The following NEMP2 variants were observed in gnomAD, a reference collection of about 807,000 sequenced individuals.
NEMP2 encodes the protein nuclear envelope integral membrane protein 2.
A neutral mutation model predicts 54.2 loss-of-function variants in NEMP2; 53 were observed. That is an observed-to-expected ratio of 0.98 (90% CI 0.78 to 1.23). The LOEUF is 1.23. Ranked by LOEUF, NEMP2 falls within the 50% of genes most tolerant of loss-of-function variation. The pLI is 0.00. For missense variants in NEMP2, 455 were observed against 511.3 expected, an observed-to-expected ratio of 0.89 and a Z score of 1.06; for synonymous variants, 197 against 190.3, an observed-to-expected ratio of 1.04 and a Z score of -0.29.
At chr2:190,564,727 G>A in the NEMP2 span, among the ~76,000 whole-genome samples, 1 of 152,182 alleles carries the variant, frequency 6.6e-6, no homozygotes, top group African/African-American at 2.4e-5. This position sits in a 1 kb window ranked among gnomAD's most constrained non-coding sequence, Gnocchi z 4.2. Context: ...ACTGCCACAT[G>A]GTGATAGAAC....
chr2:190,631,637 G>A, the NEMP2 span, among the ~76,000 whole-genome samples: 2 of 152,194 alleles, frequency 1.3e-5, no homozygotes, highest in East Asian at 1.9e-4. Flanking sequence ...GATCAATACT[G>A]TATAACCTAA....
the NEMP2 span, among the ~76,000 whole-genome samples, chr2:190,647,623 C>T: frequency 0.017 from 2,637 of 151,634 alleles, 27 homozygotes; most frequent in South Asian, 0.044. Context: ...AATTTTTCCA[C>T]TTTTTGCAAA....
the NEMP2 span, among the ~76,000 whole-genome samples, chr2:190,554,805 C>T: frequency 6.6e-6 from 1 of 152,194 alleles, no homozygotes; most frequent in African/African-American, 2.4e-5. The surrounding 1 kb of genome is among the most constrained non-coding windows in gnomAD (Gnocchi z 5.7). Flanking sequence ...GTTCAGGCTC[C>T]GATAAGGGAC....
In NEMP2 at chr2:190,513,490, T is replaced by G. The variant is rs1489651285; in HGVS notation, c.953+963A>C. On this transcript the variant is annotated intron_variant, in intron 7 of 8. Coordinates refer to ENST00000409150, the MANE Select transcript of NEMP2 (RefSeq NM_001142645.2). The surrounding 1 kb of genome is among the most constrained non-coding windows in gnomAD (Gnocchi z 5.3). ...CTGCCTGGGTCCTAAGCAACTGGTT[T>G]GATAACTGCTGTAGAGGCAGCAGTC... 6.6e-6 allele frequency among the ~76,000 whole-genome samples: 1 copy of G among 152,208 alleles called. No homozygotes were observed. Among genetic ancestry groups the G allele is most frequent in the Non-Finnish European group, 1.5e-5 (1 of 68,048 alleles).
chr2:190,545,281 CAA>C, the NEMP2 span, among the ~76,000 whole-genome samples: 1 of 152,162 alleles, frequency 6.6e-6, no homozygotes, highest in Non-Finnish European at 1.5e-5. Flanking sequence ...GAGCCTCTGC[CAA>C]AGTTTTCTTT....
the NEMP2 span, among the ~76,000 whole-genome samples, chr2:190,563,159 A>C: frequency 6.6e-6 from 1 of 152,170 alleles, no homozygotes; most frequent in African/African-American, 2.4e-5. The surrounding 1 kb of genome is among the most constrained non-coding windows in gnomAD (Gnocchi z 4.3). Flanking sequence ...TGTTTCCTTG[A>C]GACATTCACA....
chr2:190,473,074 C>A, the NEMP2 span, among the ~76,000 whole-genome samples: 8 of 152,166 alleles, frequency 5.3e-5, no homozygotes, highest in Admixed American at 5.2e-4. Context: ...CCTAAAAGAG[C>A]TCCTGAAGGA....
the NEMP2 span, among the ~76,000 whole-genome samples, chr2:190,448,742 G>A: frequency 6.6e-6 from 1 of 152,164 alleles, no homozygotes; most frequent in Non-Finnish European, 1.5e-5. Context: ...GGACTTGGAT[G>A]GGGAACAAAG....
the NEMP2 span, among the ~76,000 whole-genome samples, chr2:190,611,752 C>T: frequency 6.6e-6 from 1 of 152,154 alleles, no homozygotes; most frequent in African/African-American, 2.4e-5. The surrounding 1 kb of genome is among the most constrained non-coding windows in gnomAD (Gnocchi z 5.4). Flanking sequence ...TTTTGCTTTC[C>T]TTACACACCT....
In NEMP2 at chr2:190,523,499, C is replaced by T. The variant is rs757582400; in HGVS notation, c.213+1764G>A. 6.6e-6 allele frequency among the ~76,000 whole-genome samples: 1 copy of T among 152,106 alleles called. No individual in the cohort carries two copies. The highest frequency in any genetic ancestry group is 2.4e-5 in the African/African-American group (1 of 41,410). ...TTGGAGATCTCAGAACTCACGGTTTCTAATAGGTAGATATAGATGTATGTG... is the reference window on the plus strand; with the variant it reads ...TTGGAGATCTCAGAACTCACGGTTTTTAATAGGTAGATATAGATGTATGTG... On this transcript the variant is annotated intron_variant, in intron 2 of 8. Coordinates refer to ENST00000409150, the MANE Select transcript of NEMP2 (RefSeq NM_001142645.2). This position sits in a 1 kb window ranked among gnomAD's most constrained non-coding sequence, Gnocchi z 5.3.
At chr2:190,437,608 C>T in the NEMP2 span, 1 of 1,567,902 alleles carries the variant, frequency 6.4e-7, no homozygotes, top group Admixed American at 1.8e-5. This position sits in a 1 kb window ranked among gnomAD's most constrained non-coding sequence, Gnocchi z 5.9. Context: ...TGAACTTTAT[C>T]TTTTTATGGT....
chr2:190,612,446 G>A, the NEMP2 span, among the ~76,000 whole-genome samples: 3 of 152,022 alleles, frequency 2.0e-5, no homozygotes, highest in Non-Finnish European at 4.4e-5. Context: ...GAGCCACTGC[G>A]CCCGGCCACA....
chr2:190,593,275 A>G, the NEMP2 span, among the ~76,000 whole-genome samples: 1 of 152,216 alleles, frequency 6.6e-6, no homozygotes, highest in African/African-American at 2.4e-5. This position sits in a 1 kb window ranked among gnomAD's most constrained non-coding sequence, Gnocchi z 4.5. Flanking sequence ...GATTCTAACC[A>G]AAAGATCCCA....
chr2:190,464,860 G>A, the NEMP2 span: 1 of 779,024 alleles, frequency 1.3e-6, no homozygotes, highest in Admixed American at 9.8e-5. Context: ...CTTAATAAAT[G>A]TTTATTGAGC....
chr2:190,592,406 G>A, the NEMP2 span, among the ~76,000 whole-genome samples: 1 of 152,094 alleles, frequency 6.6e-6, no homozygotes, highest in Non-Finnish European at 1.5e-5. The surrounding 1 kb of genome is among the most constrained non-coding windows in gnomAD (Gnocchi z 4.4). Flanking sequence ...TGTTTACTGG[G>A]AATAATCACC....
chr2:190,540,148 T>C, the NEMP2 span, among the ~76,000 whole-genome samples: 13 of 152,244 alleles, frequency 8.5e-5, no homozygotes, highest in Admixed American at 2.0e-4. Context: ...TTTTATTGAA[T>C]GTTTTTCCAG....
downstream of NEMP2, chr2:190,500,405 A>C (rs1689972156): frequency 9.5e-6 from 6 of 630,802 alleles, no homozygotes; most frequent in Non-Finnish European, 1.6e-5. This position sits in a 1 kb window ranked among gnomAD's most constrained non-coding sequence, Gnocchi z 5.3. Flanking sequence ...AGGAAAAGGT[A>C]AACTTTCGTA....
chr2:190,499,757 T>G, downstream of NEMP2: 1 of 1,381,970 alleles, frequency 7.2e-7, no homozygotes, highest in Non-Finnish European at 9.7e-7. This position sits in a 1 kb window ranked among gnomAD's most constrained non-coding sequence, Gnocchi z 6.0. Context: ...CTAACAGACA[T>G]TTTGGTAGTA....
the NEMP2 span, among the ~76,000 whole-genome samples, chr2:190,605,010 A>C: frequency 3.9e-5 from 6 of 152,304 alleles, no homozygotes; most frequent in Middle Eastern, 6.8e-3. Flanking sequence ...TTGGTTGCCA[A>C]GTCCTACAGA....
Sources: gnomAD v4.1 joint callset for allele counts (sites outside exome capture counted in the v4.1 genomes callset) on GRCh38, gnomAD v4.1.1 for gene constraint, Gnocchi (gnomAD v3.1) non-coding constraint, MANE v1.5 for transcripts, NCBI Gene and HGNC (gene_info 2026-07-23, HGNC 2026-07-21) for gene names.